Variants in MTCL1 observed in about 807,000 individuals in gnomAD.
MTCL1 encodes microtubule crosslinking factor 1.
In MTCL1, 79 loss-of-function variants were observed where a neutral mutation model predicts 141.4. The ratio of observed to expected loss-of-function variants is 0.56; its 90% CI spans 0.47 to 0.67. MTCL1 has a LOEUF of 0.67. Ranked by LOEUF, MTCL1 falls within the 30% of genes least tolerant of loss-of-function variation. MTCL1 has a pLI of 0.00. For missense variants in MTCL1, 2,177 were observed against 2,113.9 expected (o/e 1.03, Z -0.59); for synonymous variants, 914 against 875.8 (o/e 1.04, Z -0.77).
intron 4 of MTCL1, among the ~76,000 whole-genome samples, chr18:8,750,417 G>A (rs931532195): frequency 2.6e-5 from 4 of 152,222 alleles, no homozygotes; most frequent in African/African-American, 9.6e-5. Flanking sequence ...GCCCGGTCCT[G>A]GAGGGTGCCC....
intron 14 of MTCL1, among the ~76,000 whole-genome samples, chr18:8,824,284 G>T (rs1238247351): frequency 2.0e-5 from 3 of 152,228 alleles, no homozygotes; most frequent in African/African-American, 7.2e-5. Flanking sequence ...CCAAATCTGT[G>T]TCCATCAGGT....
chr18:8,756,433 ATGTATATATG>A (rs747194301), intron 4 of MTCL1, among the ~76,000 whole-genome samples: 3,956 of 138,082 alleles, frequency 0.029, 66 homozygotes, highest in East Asian at 0.034. Context: ...ATGTGTATAT[ATGTATATATG>A]TGTATATATG....
At position 8,815,531 on chromosome 18, in the gene MTCL1, A is replaced by G. The variant is rs536185376; in HGVS notation, c.2859+2298A>G. Reference sequence around the variant, plus strand: ...ATACCTAATGCTAAATGACGAGTTAATGGGTGCAGCACACCAGCATGGCAC... The same window carrying G: ...ATACCTAATGCTAAATGACGAGTTAGTGGGTGCAGCACACCAGCATGGCAC... On this transcript the variant is annotated intron_variant, in intron 12 of 16. Transcript: ENST00000359865. Among the ~76,000 whole-genome samples, 9 of 152,030 alleles carry G rather than the reference A, an allele frequency of 5.9e-5. No homozygotes were observed. The South Asian group carries it at 1.9e-3, about 32-fold the overall frequency.
At chr18:8,798,276 A>G (rs750204453) in exon 10 of MTCL1, 4 of 1,552,458 alleles carry the variant, frequency 2.6e-6, no homozygotes, top group Admixed American at 2.0e-5. Context: ...CGGACAGGGG[A>G]CAGCCCCACA....
chr18:8,788,484 T>G (rs1235580701), intron 7 of MTCL1, among the ~76,000 whole-genome samples: 1 of 152,196 alleles, frequency 6.6e-6, no homozygotes, highest in African/African-American at 2.4e-5. Flanking sequence ...TTCTGCCTTA[T>G]GGATTTTTAT....
intron 12 of MTCL1, among the ~76,000 whole-genome samples, chr18:8,814,472 G>A (rs1347542358): frequency 6.6e-6 from 1 of 152,196 alleles, no homozygotes; most frequent in African/African-American, 2.4e-5. Flanking sequence ...AGGAATGCTG[G>A]CCATTTCCTT....
At chr18:8,802,476 C>A (rs2076154943) in intron 10 of MTCL1, among the ~76,000 whole-genome samples, 1 of 152,186 alleles carries the variant, frequency 6.6e-6, no homozygotes, top group Admixed American at 6.5e-5. Flanking sequence ...TCTTAGAAAT[C>A]TTAGGCAAGA....
chr18:8,829,462 G>A (rs1453643222), intron 16 of MTCL1: 1 of 959,456 alleles, frequency 1.0e-6, no homozygotes. Context: ...AATATATCTT[G>A]TCCTTCCAAG....
chr18:8,705,603 C>CCGCCGCCGCCGCCGCCGCCGCCGCCGT (rs1201882474), upstream of MTCL1: 25 of 1,206,572 alleles, frequency 2.1e-5, no homozygotes, highest in African/African-American at 3.1e-4. The surrounding 1 kb of genome is among the most constrained non-coding windows in gnomAD (Gnocchi z 5.2). Context: ...GCCGCCGCCG[C>CCGCCGCCGCCGCCGCCGCCGCCGCCGT]CGCCGCCGTC....
intron 8 of MTCL1, among the ~76,000 whole-genome samples, chr18:8,793,945 T>C (rs1346050672): frequency 6.6e-6 from 1 of 152,246 alleles, no homozygotes; most frequent in Non-Finnish European, 1.5e-5. Flanking sequence ...ACTGAGGCCA[T>C]GTGATTTAAA....
intron 7 of MTCL1, 22 bp downstream of exon 6, chr18:8,786,113 C>CCCCCCA: frequency 7.2e-7 from 1 of 1,383,504 alleles, no homozygotes; most frequent in Non-Finnish European, 9.5e-7. Context: ...CAAGCAATCC[C>CCCCCCA]CCCCCCCCGC....
At chr18:8,796,040 G>A (rs913798002) in intron 8 of MTCL1, among the ~76,000 whole-genome samples, 192 bp from the exon 8 acceptor site, 3 of 152,160 alleles carry the variant, frequency 2.0e-5, no homozygotes, top group Non-Finnish European at 2.9e-5. Flanking sequence ...ATTCTGAATC[G>A]CAATACTCAT....
In MTCL1 at chr18:8,784,166, G is replaced by A. The variant is rs991619353; in HGVS notation, c.1054G>A (p.Val352Met). 2 of 1,613,838 alleles carry A rather than the reference G, an allele frequency of 1.2e-6. No homozygotes were observed. Among genetic ancestry groups the A allele is most frequent in the Admixed American group, 3.3e-5 (2 of 60,034 alleles). Residue 352 changes from valine to methionine, a missense_variant, in exon 6 of 17, where the codon GTG becomes ATG. Val to Met is a conservative substitution (Grantham distance 21). Transcript: ENST00000359865. ...GCAGATCAGCGAGCTCAGCGGCAAG[G>A]TGCTCAAACTGCAGCACGAGAACCA...
rs186446071 is a variant in MTCL1 at position 8,731,062 on chromosome 18, G to A, written c.357+10566G>A. 6.6e-5 allele frequency among the ~76,000 whole-genome samples: 10 copies of A among 151,968 alleles called. No homozygotes were observed. In the East Asian group the frequency reaches 9.7e-4, roughly 15 times the overall value. On this transcript the variant is annotated intron_variant, in intron 4 of 16. Coordinates refer to ENST00000359865, the Ensembl canonical transcript of MTCL1. Reference sequence around the variant, plus strand: ...AGATCAAGACCATCCTGGCTAACACGGTGAAACCCCATCTCTACTAAAAAT... The same window carrying A: ...AGATCAAGACCATCCTGGCTAACACAGTGAAACCCCATCTCTACTAAAAAT...
chr18:8,705,901 G>C lies in MTCL1; in HGVS notation c.241G>C (p.Ala81Pro). The change falls in exon 1 of 14, where the codon GCG becomes CCG. Residue 81 changes from alanine (A) to proline (P), a missense_variant. Coordinates refer to the MTCL1 transcript ENST00000306329. The surrounding 1 kb of genome is among the most constrained non-coding windows in gnomAD (Gnocchi z 5.2). ...CGCCGCCCCGCGCTCGCCCAACCTC[G>C]CGGGCAAAGCGCCGCCCTCGCCGGG... 3.6e-6 allele frequency: 4 copies of C among 1,098,016 alleles called. No homozygotes were observed. Among genetic ancestry groups the C allele is most frequent in the Non-Finnish European group, 4.4e-6 (4 of 903,342 alleles). 68.0% of individuals were successfully genotyped at this position (1,098,016 alleles called of 1,614,324 possible).
intron 4 of MTCL1, among the ~76,000 whole-genome samples, chr18:8,736,703 T>C (rs975711922): frequency 2.0e-5 from 3 of 150,816 alleles, no homozygotes; most frequent in African/African-American, 7.3e-5. Flanking sequence ...AGTGGCTGGA[T>C]CTTGGCTCAC....
chr18:8,716,062 A>G (rs993521633), upstream of MTCL1, among the ~76,000 whole-genome samples: 1 of 152,222 alleles, frequency 6.6e-6, no homozygotes, highest in Non-Finnish European at 1.5e-5. Flanking sequence ...ATGGAGGAAA[A>G]AAGAAATGAA....
chr18:8,781,754 C>G (rs994616697), intron 5 of MTCL1, among the ~76,000 whole-genome samples: 2 of 152,270 alleles, frequency 1.3e-5, no homozygotes, highest in Admixed American at 6.5e-5. Context: ...ACAGGTTCAC[C>G]GGGGCTCTGT....
chr18:8,796,625 A>G (rs1475665906), intron 9 of MTCL1, among the ~76,000 whole-genome samples, 163 bp downstream of exon 8: 1 of 152,210 alleles, frequency 6.6e-6, no homozygotes, highest in East Asian at 1.9e-4. Context: ...CAATTCATAC[A>G]GACACTTAGA....
Sources: allele counts gnomAD v4.1 joint callset (sites outside exome capture counted in the v4.1 genomes callset), GRCh38; gene constraint gnomAD v4.1.1; non-coding constraint Gnocchi (gnomAD v3.1); transcripts MANE v1.5; gene names NCBI Gene and HGNC (gene_info 2026-07-23, HGNC 2026-07-21).